Variants in MTAP observed in about 807,000 individuals in gnomAD.
MTAP encodes the protein methylthioadenosine phosphorylase.
MTAP carries 33 observed loss-of-function variants against 33.6 expected under a neutral mutation model. The observed-to-expected ratio is 0.98, with a 90% CI of 0.74 to 1.31. The LOEUF is 1.31. Among genes scored for constraint, MTAP ranks in the 40% most tolerant of loss-of-function variants. The pLI is 0.00. For missense variants in MTAP, 367 were observed against 360.0 expected, an observed-to-expected ratio of 1.02 and a Z score of -0.16; for synonymous variants, 148 against 125.7, an observed-to-expected ratio of 1.18 and a Z score of -1.19.
intron 1 of MTAP, among the ~76,000 whole-genome samples, chr9:21,902,230 G>A (rs929256892): frequency 3.9e-5 from 6 of 152,212 alleles, no homozygotes; most frequent in Non-Finnish European, 5.9e-5. Context: ...GCTTCCTCCA[G>A]TTCCACAGAT....
downstream of MTAP, chr9:21,931,229 C>A: frequency 1.5e-6 from 1 of 672,268 alleles, no homozygotes; most frequent in East Asian, 2.7e-5. Flanking sequence ...GAACAATCAC[C>A]ATCACACCTC....
intron 5 of MTAP, among the ~76,000 whole-genome samples, chr9:21,850,165 A>C (rs1427771012): frequency 1.3e-5 from 2 of 152,232 alleles, no homozygotes; most frequent in African/African-American, 4.8e-5. Flanking sequence ...CTTATTGGTG[A>C]GGCATTTGCA....
intron 1 of MTAP, among the ~76,000 whole-genome samples, chr9:21,881,621 C>G (rs542127774): frequency 6.6e-6 from 1 of 152,074 alleles, no homozygotes; most frequent in African/African-American, 2.4e-5. Flanking sequence ...AACCAATAAA[C>G]ATGCATTGCT....
Position 21,879,977 on chromosome 9 carries a change from A to T in MTAP, c.147+25107A>T, listed in dbSNP as rs1196104766. Among the ~76,000 whole-genome samples the T allele has an allele frequency of 3.3e-5, 5 of 151,682 alleles. No homozygotes were observed. The East Asian group carries it at 9.7e-4, about 29-fold the overall frequency. ...GGCTTCCTTTAACATTCTTTCTTTTATTTCAGTCATGGAAAATCTAAGGAT... is the reference window on the plus strand; with the variant it reads ...GGCTTCCTTTAACATTCTTTCTTTTTTTTCAGTCATGGAAAATCTAAGGAT... On this transcript the variant is annotated intron_variant, in intron 1 of 1. Coordinates refer to the MTAP transcript ENST00000577563.
At chr9:21,850,460 C>G (rs1825483816) in intron 5 of MTAP, among the ~76,000 whole-genome samples, 2 of 152,192 alleles carry the variant, frequency 1.3e-5, no homozygotes, top group African/African-American at 4.8e-5. Flanking sequence ...CAGGAGAAGG[C>G]TCTGCAACAG....
downstream of MTAP, among the ~76,000 whole-genome samples, chr9:21,870,269 C>A (rs1825917539): frequency 6.6e-6 from 1 of 152,220 alleles, no homozygotes; most frequent in East Asian, 1.9e-4. Flanking sequence ...TAACTTCTCC[C>A]TACTTACTCT....
At chr9:21,809,171 T>C (rs1043728020) in intron 1 of MTAP, among the ~76,000 whole-genome samples, 1 of 152,142 alleles carries the variant, frequency 6.6e-6, no homozygotes, top group Admixed American at 6.5e-5. Flanking sequence ...CTTGCCTCCT[T>C]GTGATTTCAT....
chr9:21,924,790 G>T (rs963498786), intron 1 of MTAP, among the ~76,000 whole-genome samples: 2 of 152,200 alleles, frequency 1.3e-5, no homozygotes, highest in African/African-American at 4.8e-5. Context: ...CCTTCAAGAA[G>T]TTAGTTGACC....
chr9:21,913,757 C>G (rs986003838), intron 1 of MTAP, among the ~76,000 whole-genome samples: 3 of 152,102 alleles, frequency 2.0e-5, no homozygotes, highest in Non-Finnish European at 4.4e-5. Flanking sequence ...GCAATGGCAA[C>G]AAAAGCCAAA....
At chr9:21,885,306 A>G (rs1818090837) in intron 1 of MTAP, among the ~76,000 whole-genome samples, 1 of 152,294 alleles carries the variant, frequency 6.6e-6, no homozygotes, top group Admixed American at 6.5e-5. Context: ...TCTTCTTTGA[A>G]TCATGTATAC....
chr9:21,839,412 A>G (rs1166571158), intron 5 of MTAP, among the ~76,000 whole-genome samples: 2 of 152,198 alleles, frequency 1.3e-5, no homozygotes, highest in African/African-American at 2.4e-5. Context: ...GCATGCTCGT[A>G]TGAATCTGAG....
chr9:21,897,983 A>G (rs531227933), intron 1 of MTAP, among the ~76,000 whole-genome samples: 41 of 152,318 alleles, frequency 2.7e-4, no homozygotes, highest in African/African-American at 9.4e-4. Flanking sequence ...TTCAAACTAT[A>G]CTACAAGGCT....
intron 1 of MTAP, among the ~76,000 whole-genome samples, chr9:21,807,365 G>C (rs532414193): frequency 6.6e-6 from 1 of 152,274 alleles, no homozygotes; most frequent in East Asian, 1.9e-4. Flanking sequence ...AGGGCCTTCA[G>C]CCTGAGAGTC....
At chr9:21,933,325 A>G (rs888639294), downstream of MTAP, 3 of 152,124 alleles carry the variant, frequency 2.0e-5, no homozygotes, top group Non-Finnish European at 4.4e-5. Flanking sequence ...TCTACAAAGG[A>G]AGTCTCCATT....
downstream of MTAP, among the ~76,000 whole-genome samples, chr9:21,939,997 C>G (rs1439817442): frequency 1.3e-5 from 2 of 151,182 alleles, no homozygotes; most frequent in African/African-American, 4.9e-5. Context: ...TTTTATATGA[C>G]CAGCCGGGTG....
chr9:21,866,914 C>T lies in MTAP; in HGVS notation c.*4900C>T, dbSNP rs1825861828. The T allele has an allele frequency of 6.6e-6, 1 of 151,988 alleles. No individual in the cohort carries two copies. The highest frequency in any genetic ancestry group is 2.4e-5 in the African/African-American group (1 of 41,394). The allele number at this position is 151,988 out of a possible 1,614,324, so 9.4% of individuals were successfully genotyped here. On this transcript the variant is annotated 3_prime_UTR_variant, in exon 8 of 8. Transcript: ENST00000644715. ...TATTTTGTAGTTTTAGTGAAGAAGT[C>T]TTGTATATATCTTTTGTTAAATGTA...
At chr9:21,840,050 C>G (rs1353625814) in intron 5 of MTAP, among the ~76,000 whole-genome samples, 1 of 152,060 alleles carries the variant, frequency 6.6e-6, no homozygotes, top group Non-Finnish European at 1.5e-5. Flanking sequence ...CATGGTGAAA[C>G]CCTGTCTCTA....
chr9:21,812,875 T>TA (rs1471912638), intron 1 of MTAP, among the ~76,000 whole-genome samples: 1 of 152,242 alleles, frequency 6.6e-6, no homozygotes, highest in Non-Finnish European at 1.5e-5. Flanking sequence ...CTTTGCTCCT[T>TA]ATGATTGGCC....
intron 1 of MTAP, among the ~76,000 whole-genome samples, chr9:21,911,097 T>A (rs1421144062): frequency 1.3e-5 from 2 of 152,176 alleles, no homozygotes; most frequent in Non-Finnish European, 2.9e-5. Flanking sequence ...TAAATATATA[T>A]GCACCCAATA....
Sources: gnomAD v4.1 joint callset for allele counts (sites outside exome capture counted in the v4.1 genomes callset) on GRCh38, gnomAD v4.1.1 for gene constraint, MANE v1.5 for transcripts, NCBI Gene and HGNC (gene_info 2026-07-23, HGNC 2026-07-21) for gene names.